RABL2B: variants seen among roughly 807,000 people sequenced by gnomAD.
The protein encoded by RABL2B is rab-like protein 2B.
RABL2B carries 17 observed loss-of-function variants against 26.7 expected under a neutral mutation model. The observed-to-expected ratio is 0.64, with a 90% CI of 0.44 to 0.95. RABL2B has a LOEUF of 0.95. Among genes scored for constraint, RABL2B ranks in the 40% least tolerant of loss-of-function variants. The probability of loss-of-function intolerance (pLI) is 0.00; values close to 1 mark genes in which losing one functional copy is unlikely to be tolerated. For missense variants in RABL2B, 170 were observed against 277.2 expected (o/e 0.61, Z 2.75); for synonymous variants, 70 against 103.9 (o/e 0.67, Z 1.99).
At chr22:50,769,574 T>A in intron 6 of RABL2B, 22 bp from the exon 7 acceptor site, 1 of 1,609,354 alleles carries the variant, frequency 6.2e-7, no homozygotes, top group Non-Finnish European at 8.5e-7. Flanking sequence ...AGGTAGGACA[T>A]TGGTCTGTCT....
chr22:50,774,291 G>A (rs1300679627), intron 5 of RABL2B, among the ~76,000 whole-genome samples: 1 of 151,770 alleles, frequency 6.6e-6, no homozygotes, highest in Admixed American at 6.6e-5. Context: ...ACTGAGAGAT[G>A]CCATCTGTTT....
chr22:50,775,878 C>T (rs376048761), intron 4 of RABL2B, 27 bp from the exon 5 acceptor site: 20 of 1,614,202 alleles, frequency 1.2e-5, no homozygotes, highest in Non-Finnish European at 1.7e-5. Context: ...GACAGACCTA[C>T]ATGCCTGGTG....
At position 50,770,000 on chromosome 22, in the gene RABL2B, C is replaced by G. The variant is rs2083902525; in HGVS notation, c.314G>C (p.Arg105Thr). ...GCTCAGGTTCCTATAGGTGACTTTC[C>G]TCTGTACATCAAACACCTGCAAAGG... ...HACIMVFDVQ[R>T]KVTYRNLSTW... is the part of the protein sequence containing the mutation. The change falls in exon 6 of 9, where the codon AGG (arginine) becomes ACG (threonine). Residue 105 changes from arginine to threonine, a missense_variant. Physicochemically the swap from Arg to Thr is moderately conservative, Grantham distance 71. Around this residue, in one of 2 missense-constraint regions of RABL2B, gnomAD observed 165 missense variants for 232.0 expected, o/e 0.71. Transcript: ENST00000691320. 3 of 1,613,760 alleles carry G rather than the reference C, an allele frequency of 1.9e-6. No homozygotes were observed. Among genetic ancestry groups the G allele is most frequent in the Non-Finnish European group, 2.5e-6 (3 of 1,179,860 alleles).
intron 2 of RABL2B, among the ~76,000 whole-genome samples, chr22:50,778,344 G>C (rs1392764546): frequency 6.6e-6 from 1 of 151,632 alleles, no homozygotes; most frequent in Non-Finnish European, 1.5e-5. Flanking sequence ...CGGGCGCGGT[G>C]GCTCACGCCT....
chr22:50,770,300 G>A, intron 5 of RABL2B: 1 of 414,702 alleles, frequency 2.4e-6, no homozygotes, highest in Non-Finnish European at 4.4e-6. Flanking sequence ...TCAATCACCT[G>A]AGGTCAGGAG....
chr22:50,777,903 C>A, intron 3 of RABL2B, 49 bp downstream of exon 3: 1 of 1,613,464 alleles, frequency 6.2e-7, no homozygotes, highest in Non-Finnish European at 8.5e-7. Context: ...GATACATGAG[C>A]GTGGGAAGAC....
At chr22:50,770,901 ATTTTTT>A (rs1280905813) in intron 5 of RABL2B, among the ~76,000 whole-genome samples, 1 of 135,656 alleles carries the variant, frequency 7.4e-6, no homozygotes, top group Non-Finnish European at 1.5e-5. Context: ...ATTAATTTTT[ATTTTTT>A]TATTTTTTTT....
intron 5 of RABL2B, 85 bp downstream of exon 5, chr22:50,775,687 T>A: frequency 6.9e-7 from 1 of 1,456,542 alleles, no homozygotes; most frequent in Non-Finnish European, 9.6e-7. Flanking sequence ...CCAGACTTGG[T>A]TACAAGGGCC....
intron 2 of RABL2B, among the ~76,000 whole-genome samples, chr22:50,778,719 C>A (rs2085353650): frequency 7.1e-6 from 1 of 140,796 alleles, no homozygotes; most frequent in Admixed American, 7.0e-5. Flanking sequence ...ATCTGCAAGG[C>A]TTACTCCTTG....
chr22:50,770,918 T>A (rs1380915075), intron 5 of RABL2B, among the ~76,000 whole-genome samples: 2 of 145,588 alleles, frequency 1.4e-5, no homozygotes, highest in Non-Finnish European at 3.1e-5. Flanking sequence ...TATTTTTTTT[T>A]TTTTGTAGAG....
rs2083702279 is a variant in RABL2B, at chr22:50,768,706, T to C, written c.*70A>G. Reference sequence around the variant, plus strand: ...GGGGATGGCCTAGAGAGTTTCTCCATTCAGAGCTGGAGAGTTGTTGAAGGG... The same window carrying C: ...GGGGATGGCCTAGAGAGTTTCTCCACTCAGAGCTGGAGAGTTGTTGAAGGG... On this transcript the variant is annotated 3_prime_UTR_variant, in exon 9 of 9. Transcript: ENST00000691320. 3 of 1,505,886 alleles carry C rather than the reference T, an allele frequency of 2.0e-6. No homozygotes were observed. Among genetic ancestry groups the C allele is most frequent in the East Asian group, 4.8e-5 (2 of 41,916 alleles). 93.3% of individuals were successfully genotyped at this position (1,505,886 alleles called of 1,614,324 possible).
intron 5 of RABL2B, among the ~76,000 whole-genome samples, chr22:50,773,902 A>T (rs1246709695): frequency 4.0e-5 from 6 of 149,770 alleles, no homozygotes; most frequent in Admixed American, 4.0e-4. Flanking sequence ...GGCAGACTTT[A>T]TTTTTTTTTT....
Position 50,775,859 on chromosome 22 carries a change from G to A in RABL2B, c.218-8C>T, listed in dbSNP as rs575670922. On this transcript the variant is annotated splice_region_variant and splice_polypyrimidine_tract_variant and intron_variant, in intron 4 of 8. Transcript: ENST00000691320. ...CTGCCGTGTCCCAAAAGTCTGCAAT[G>A]TGAACACAGACAGACCTACATGCCT... 3 of 1,614,206 alleles carry A rather than the reference G, an allele frequency of 1.9e-6. No homozygotes were observed. The highest frequency in any genetic ancestry group is 3.3e-5 in the Admixed American group (2 of 60,020).
At chr22:50,779,336 TCTGTCA>T (rs2085448933) in intron 2 of RABL2B, among the ~76,000 whole-genome samples, 2 of 148,764 alleles carry the variant, frequency 1.3e-5, no homozygotes, top group African/African-American at 2.5e-5. Flanking sequence ...GGAAGCTGCC[TCTGTCA>T]CTGTCACATA....
At chr22:50,773,738 C>T (rs2084540422) in intron 5 of RABL2B, among the ~76,000 whole-genome samples, 1 of 151,352 alleles carries the variant, frequency 6.6e-6, no homozygotes, top group South Asian at 2.1e-4. Flanking sequence ...GCTCCTTCTG[C>T]ATCCCCTCTG....
At chr22:50,774,887 C>T (rs2084736662) in intron 5 of RABL2B, among the ~76,000 whole-genome samples, 1 of 152,032 alleles carries the variant, frequency 6.6e-6, no homozygotes, top group Admixed American at 6.6e-5. Context: ...AAATGATTCT[C>T]CTGCCTCAAC....
Position 50,775,835 on chromosome 22 carries a change from T to G in RABL2B, c.234A>C (p.Ala78=), listed in dbSNP as rs782048740. ...RTILVDFWDT[A]GQERFQSMHA... ...GCATGCTCTGGAACCGCTCCTGGCC[T>G]GCCGTGTCCCAAAAGTCTGCAATGT... is the stretch of plus-strand genomic sequence containing the variant. The change falls in exon 5 of 9, where the codon GCA becomes GCC. Residue 78 remains alanine (A), a synonymous_variant. Transcript: ENST00000691320. The G allele has an allele frequency of 6.2e-7, 1 of 1,614,212 alleles. No homozygotes were observed. Among genetic ancestry groups the G allele is most frequent in the Non-Finnish European group, 8.5e-7 (1 of 1,180,034 alleles).
chr22:50,777,569 A>G, intron 3 of RABL2B: 1 of 305,272 alleles, frequency 3.3e-6, no homozygotes, highest in Non-Finnish European at 6.2e-6. Flanking sequence ...GTTCATTCAT[A>G]TCAGAGATTT....
intron 4 of RABL2B, 95 bp downstream of exon 4, chr22:50,776,575 T>C (rs1162342610): frequency 2.0e-6 from 3 of 1,515,532 alleles, no homozygotes; most frequent in Non-Finnish European, 2.7e-6. Flanking sequence ...ATTTTCTCCC[T>C]CTGGACTCTC....
Sources: allele counts gnomAD v4.1 joint callset (sites outside exome capture counted in the v4.1 genomes callset), GRCh38; gene constraint gnomAD v4.1.1; regional missense constraint gnomAD v4.1.1; transcripts MANE v1.5; gene names NCBI Gene and HGNC (gene_info 2026-07-23, HGNC 2026-07-21).